SP140L: variants seen among roughly 807,000 people sequenced by gnomAD.
The protein encoded by SP140L is nuclear body protein SP140-like protein.
Under a neutral mutation model 84.3 loss-of-function variants are expected in SP140L, and 64 were observed. That is an observed-to-expected ratio of 0.76 (90% CI 0.62 to 0.94). SP140L has a LOEUF of 0.94. Ranked by LOEUF, SP140L falls within the 40% of genes least tolerant of loss-of-function variation. The pLI, the probability that SP140L is intolerant of heterozygous loss-of-function variation, is 0.00. For missense variants in SP140L, 628 were observed against 692.5 expected, an observed-to-expected ratio of 0.91 and a Z score of 1.05; for synonymous variants, 242 against 236.9, an observed-to-expected ratio of 1.02 and a Z score of -0.20.
Position 230,400,058 on chromosome 2 carries a change from G to C in SP140L, c.1198-69G>C, listed in dbSNP as rs1226057626. 4.6e-5 allele frequency: 71 copies of C among 1,549,596 alleles called. 1 individual carries two copies. Among genetic ancestry groups the C allele is most frequent in the Non-Finnish European group, 5.7e-5 (64 of 1,124,828 alleles). ...GCTCACACATAAGCAGTGTGTTCTA[G>C]ATGCCCAGAGGGGTGGCCTTCCTGA... On this transcript the variant is annotated intron_variant, in intron 14 of 18. Transcript: ENST00000415673.
chr2:230,382,870 G>A (rs1426892724), intron 7 of SP140L, among the ~76,000 whole-genome samples: 1 of 152,168 alleles, frequency 6.6e-6, no homozygotes, highest in African/African-American at 2.4e-5. Context: ...TCAGTGCATT[G>A]TGGAGTCACT....
intron 2 of SP140L, among the ~76,000 whole-genome samples, chr2:230,334,015 C>T (rs1015493296): frequency 7.2e-5 from 11 of 152,186 alleles, no homozygotes; most frequent in Non-Finnish European, 1.5e-4. Flanking sequence ...TCTTTCGCAG[C>T]TCCTGCTCCA....
chr2:230,373,294 G>C (rs1468116469), intron 7 of SP140L, among the ~76,000 whole-genome samples: 2 of 152,200 alleles, frequency 1.3e-5, no homozygotes, highest in African/African-American at 4.8e-5. Flanking sequence ...GCCTTCCATT[G>C]AAAGAAGATT....
At chr2:230,337,115 G>T (rs911147333) in intron 2 of SP140L, among the ~76,000 whole-genome samples, 1 of 152,142 alleles carries the variant, frequency 6.6e-6, no homozygotes, top group Non-Finnish European at 1.5e-5. Flanking sequence ...CACCAACAGT[G>T]TAAAAGTGTT....
chr2:230,368,865 G>A (rs2060968300), intron 5 of SP140L, among the ~76,000 whole-genome samples: 1 of 152,054 alleles, frequency 6.6e-6, no homozygotes, highest in South Asian at 2.1e-4. Context: ...CCTGATTTCA[G>A]TGAATTGTTT....
At chr2:230,357,342 G>A (rs1361730864) in intron 2 of SP140L, among the ~76,000 whole-genome samples, 1 of 151,918 alleles carries the variant, frequency 6.6e-6, no homozygotes, top group Admixed American at 6.6e-5. Flanking sequence ...TTCCTTCCTA[G>A]CAGCTACAGA....
chr2:230,351,106 C>T (rs138708826), intron 2 of SP140L, among the ~76,000 whole-genome samples: 406 of 152,204 alleles, frequency 2.7e-3, no homozygotes, highest in African/African-American at 8.7e-3. Flanking sequence ...ACATGTTGAT[C>T]TTTTTATTTA....
intron 2 of SP140L, among the ~76,000 whole-genome samples, chr2:230,342,881 G>A (rs73110329): frequency 4.6e-5 from 7 of 151,712 alleles, no homozygotes; most frequent in East Asian, 1.9e-4. Context: ...TTCCTATTCC[G>A]TATTTATTTC....
chr2:230,333,701 G>A (rs1312354447), intron 2 of SP140L, among the ~76,000 whole-genome samples: 1 of 150,926 alleles, frequency 6.6e-6, no homozygotes, highest in African/African-American at 2.4e-5. Context: ...TTTATGTTTT[G>A]GAATTCCTGT....
chr2:230,378,206 A>T (rs1409013070), intron 7 of SP140L, among the ~76,000 whole-genome samples: 1 of 151,746 alleles, frequency 6.6e-6, no homozygotes, highest in African/African-American at 2.4e-5. Flanking sequence ...CACCATCTTG[A>T]TTACTACAGT....
intron 7 of SP140L, among the ~76,000 whole-genome samples, chr2:230,382,304 T>C (rs1034078363): frequency 1.3e-5 from 2 of 152,054 alleles, no homozygotes; most frequent in Non-Finnish European, 2.9e-5. Flanking sequence ...TTCTCAGAGG[T>C]GGGAGCACTG....
rs1248808519 is a variant in SP140L, at chr2:230,400,679, C to T, written c.1314-276C>T. ...TGACACACAGGCCTGGCAGGCAGGA[C>T]TCCTTGTGCTCCCAGCAGCTCAGAC... On this transcript the variant is annotated intron_variant, in intron 15 of 18. Transcript: ENST00000415673. The T allele has an allele frequency of 2.4e-5, 16 of 667,040 alleles. No homozygotes were observed. In the East Asian group the frequency reaches 5.0e-4, roughly 21 times the overall value. The allele number at this position is 667,040 out of a possible 1,614,324, so 41.3% of individuals were successfully genotyped here.
chr2:230,374,885 C>CA (rs1388033775), intron 7 of SP140L, among the ~76,000 whole-genome samples: 1 of 151,896 alleles, frequency 6.6e-6, no homozygotes, highest in Non-Finnish European at 1.5e-5. Flanking sequence ...ACTGGGAAAC[C>CA]AAAAAAATTG....
chr2:230,383,475 T>A lies in SP140L; in HGVS notation c.638-35T>A, dbSNP rs1381480707. On this transcript the variant is annotated intron_variant, in intron 7 of 18. Transcript: ENST00000415673. ...AAGCTCAAATAATTATATTTATTCC[T>A]CTGTATAATTAACTTTATTCTCTTT... The A allele has an allele frequency of 3.9e-6, 6 of 1,552,670 alleles. No homozygotes were observed. In the South Asian group the frequency reaches 4.8e-5, roughly 13 times the overall value.
At chr2:230,392,340 C>T (rs2149811496) in intron 12 of SP140L, 111 bp downstream of exon 12, 1 of 1,514,686 alleles carries the variant, frequency 6.6e-7, no homozygotes. Flanking sequence ...GCCTTGATGC[C>T]AGTGAGTTTA....
chr2:230,374,462 T>C (rs2061181551), intron 7 of SP140L, among the ~76,000 whole-genome samples: 1 of 152,224 alleles, frequency 6.6e-6, no homozygotes, highest in African/African-American at 2.4e-5. Context: ...AAAGATGCTG[T>C]GAACATTGTT....
At chr2:230,353,402 T>A (rs1230535009) in intron 2 of SP140L, among the ~76,000 whole-genome samples, 1 of 152,116 alleles carries the variant, frequency 6.6e-6, no homozygotes, top group Non-Finnish European at 1.5e-5. Context: ...ATCATTCTTA[T>A]TAATTTATCT....
chr2:230,384,526 C>T (rs2061507758), intron 8 of SP140L, among the ~76,000 whole-genome samples: 1 of 152,208 alleles, frequency 6.6e-6, no homozygotes, highest in African/African-American at 2.4e-5. Flanking sequence ...CTATCTTCTG[C>T]TCTTCTGTTC....
chr2:230,335,992 C>T (rs2059865643), intron 2 of SP140L, among the ~76,000 whole-genome samples: 1 of 152,110 alleles, frequency 6.6e-6, no homozygotes, highest in Non-Finnish European at 1.5e-5. Context: ...ATAAGCTGAA[C>T]CCAATATGGC....
Sources: gnomAD v4.1 joint callset for allele counts (sites outside exome capture counted in the v4.1 genomes callset) on GRCh38, gnomAD v4.1.1 for gene constraint, MANE v1.5 for transcripts, NCBI Gene and HGNC (gene_info 2026-07-23, HGNC 2026-07-21) for gene names.